CNTN5: variants seen among roughly 807,000 people sequenced by gnomAD.
CNTN5 encodes contactin 5, also known as contactin-5.
A neutral mutation model predicts 129.1 loss-of-function variants in CNTN5; 77 were observed. The ratio of observed to expected loss-of-function variants is 0.60; its 90% confidence interval spans 0.50 to 0.72. The LOEUF (loss-of-function observed/expected upper bound fraction) is 0.72, where lower values mean the gene tolerates loss of function less well. Among genes scored for constraint, CNTN5 ranks in the 30% least tolerant of loss-of-function variants. The pLI is 0.00. For missense variants in CNTN5, 1,478 were observed against 1,328.8 expected, an observed-to-expected ratio of 1.11 and a Z score of -1.75; for synonymous variants, 509 against 465.6, an observed-to-expected ratio of 1.09 and a Z score of -1.20.
At chr11:99,268,656 T>C (rs1863021368) in intron 1 of CNTN5, among the ~76,000 whole-genome samples, 2 of 151,930 alleles carry the variant, frequency 1.3e-5, no homozygotes, top group Non-Finnish European at 2.9e-5. Flanking sequence ...TGAGGAATAA[T>C]TGGATCAACA....
At chr11:99,118,364 G>GAT (rs1453349494) in intron 1 of CNTN5, among the ~76,000 whole-genome samples, 5 of 151,842 alleles carry the variant, frequency 3.3e-5, no homozygotes, top group Admixed American at 1.3e-4. Flanking sequence ...TTAGTATTTG[G>GAT]ATATATATAT....
At chr11:99,026,502 C>A (rs978894200) in intron 1 of CNTN5, among the ~76,000 whole-genome samples, 1 of 151,526 alleles carries the variant, frequency 6.6e-6, no homozygotes, top group Admixed American at 6.6e-5. Context: ...TTCTGTGATG[C>A]TGTTATTCTA....
Position 99,815,794 on chromosome 11 carries a change from T to C in CNTN5, c.56-3750T>C, listed in dbSNP as rs536849432. On this transcript the variant is annotated intron_variant, in intron 3 of 24. Coordinates refer to ENST00000524871, the MANE Select transcript of CNTN5 (RefSeq NM_014361.4). ...GGATGAAACATAACTGAATCCACTT[T>C]CTCTGTTGAAATTCAAGTATTGGCA... Among the ~76,000 whole-genome samples, 7 of 152,300 alleles carry C rather than the reference T, an allele frequency of 4.6e-5. No individual in the cohort carries two copies. In the South Asian group the frequency reaches 1.2e-3, roughly 27 times the overall value.
Position 99,461,943 on chromosome 11 carries a change from G to A in CNTN5, c.-70-94202G>A, listed in dbSNP as rs75958111. On this transcript the variant is annotated intron_variant, in intron 2 of 24. Coordinates refer to ENST00000524871, the MANE Select transcript of CNTN5 (RefSeq NM_014361.4). ...TTTTGTTTTGAGGCATTTTTAAATT[G>A]ATGCCTAAAACTTCAAAGCATGTTC... is the stretch of plus-strand genomic sequence containing the variant. 7.8e-3 allele frequency among the ~76,000 whole-genome samples: 1,193 copies of A among 152,152 alleles called. 16 individuals carry two copies. The highest frequency in any genetic ancestry group is 0.027 in the African/African-American group (1,121 of 41,520).
At chr11:99,464,417 T>C (rs1226953442) in intron 2 of CNTN5, among the ~76,000 whole-genome samples, 2 of 152,162 alleles carry the variant, frequency 1.3e-5, no homozygotes, top group African/African-American at 4.8e-5. Flanking sequence ...TCATTGATGA[T>C]CTAGTTTGAA....
intron 6 of CNTN5, among the ~76,000 whole-genome samples, chr11:99,890,236 T>C (rs1949021662): frequency 6.6e-6 from 1 of 152,120 alleles, no homozygotes; most frequent in Non-Finnish European, 1.5e-5. Context: ...CAGGAGCCAA[T>C]TGAAAGAGCT....
chr11:99,498,264 C>G (rs1286309925), intron 2 of CNTN5, among the ~76,000 whole-genome samples: 1 of 151,992 alleles, frequency 6.6e-6, no homozygotes, highest in Non-Finnish European at 1.5e-5. Flanking sequence ...TTTTTTGTAG[C>G]TCTAAATAGC....
intron 6 of CNTN5, among the ~76,000 whole-genome samples, chr11:99,900,473 A>G (rs1324538034): frequency 6.6e-6 from 1 of 152,122 alleles, no homozygotes; most frequent in African/African-American, 2.4e-5. Context: ...TTAATGCTAT[A>G]AACATTCCTC....
chr11:99,486,222 A>C (rs117737372), intron 2 of CNTN5, among the ~76,000 whole-genome samples: 2 of 152,190 alleles, frequency 1.3e-5, no homozygotes, highest in East Asian at 3.9e-4. Flanking sequence ...GATGTCTTTC[A>C]TAGAGCATAT....
chr11:99,140,688 G>A lies in CNTN5; in HGVS notation c.-210+119418G>A, dbSNP rs150524152. Among the ~76,000 whole-genome samples, 230 of 151,762 alleles carry A rather than the reference G, an allele frequency of 1.5e-3. 2 individuals are homozygous for A. The highest frequency in any genetic ancestry group is 2.8e-3 in the Admixed American group (42 of 15,224). On this transcript the variant is annotated intron_variant, in intron 1 of 24. Transcript: ENST00000524871. ...TTCCTTCAATTCCTAGTTTGTGGAGGGTTTTTAACATGAAGAAATGTTAAA... is the reference window on the plus strand; with the variant it reads ...TTCCTTCAATTCCTAGTTTGTGGAGAGTTTTTAACATGAAGAAATGTTAAA...
intron 2 of CNTN5, among the ~76,000 whole-genome samples, chr11:99,551,914 T>C (rs1230528072): frequency 1.3e-5 from 2 of 151,414 alleles, no homozygotes; most frequent in Non-Finnish European, 3.0e-5. Flanking sequence ...TTTTTTCTTT[T>C]TTTTTTTTTT....
At chr11:99,410,716 C>T (rs1942353909) in intron 2 of CNTN5, among the ~76,000 whole-genome samples, 2 of 152,174 alleles carry the variant, frequency 1.3e-5, no homozygotes, top group Admixed American at 6.5e-5. Context: ...CAAAACATGG[C>T]ATGAATAATG....
intron 8 of CNTN5, among the ~76,000 whole-genome samples, chr11:99,976,422 C>A (rs1483954457): frequency 6.6e-6 from 1 of 152,224 alleles, no homozygotes; most frequent in Non-Finnish European, 1.5e-5. Context: ...TACATTTCCC[C>A]TTTGCATTGC....
At chr11:99,586,711 T>C (rs899946855) in intron 3 of CNTN5, among the ~76,000 whole-genome samples, 1 of 152,206 alleles carries the variant, frequency 6.6e-6, no homozygotes, top group Admixed American at 6.5e-5. Context: ...TAGATGTCTC[T>C]CTATGTAATA....
chr11:100,193,557 G>A lies in CNTN5; in HGVS notation c.1778G>A (p.Cys593Tyr). ...GTGGGAGAAAGCATTGTCCTTAATT[G>A]CAAAGCAATTCACGATGCTAGTTTG... Reference protein sequence around the residue: ...LTVGESIVLNCKAIHDASLDV... With the variant: ...LTVGESIVLNYKAIHDASLDV... The change falls in exon 15 of 25, where the codon TGC becomes TAC. Residue 593 changes from cysteine to tyrosine, a missense_variant. Transcript: ENST00000524871. 6.2e-7 allele frequency: 1 copy of A among 1,611,200 alleles called. No homozygotes were observed. Among genetic ancestry groups the A allele is most frequent in the Non-Finnish European group, 8.5e-7 (1 of 1,178,214 alleles).
In CNTN5 at chr11:99,439,569, G is replaced by T. The variant is rs113022964; in HGVS notation, c.-71+114085G>T. Among the ~76,000 whole-genome samples the T allele has an allele frequency of 7.5e-3, 1,143 of 151,648 alleles. 22 individuals are homozygous for T. The highest frequency in any genetic ancestry group is 0.026 in the African/African-American group (1,064 of 41,346). ...CTGAAAATACAAAAATTAGCCTGGC[G>T]TGGTGGTGTGCACCTGGAATCCCAG... is the stretch of plus-strand genomic sequence containing the variant. On this transcript the variant is annotated intron_variant, in intron 2 of 24. Transcript: ENST00000524871.
intron 1 of CNTN5, among the ~76,000 whole-genome samples, chr11:99,306,934 A>T (rs1013128863): frequency 1.3e-5 from 2 of 152,148 alleles, no homozygotes; most frequent in African/African-American, 4.8e-5. Flanking sequence ...ATTTATTTGT[A>T]TTAAGGCAAA....
intron 6 of CNTN5, among the ~76,000 whole-genome samples, chr11:99,876,736 GCAATCCTGAA>G (rs1254038721): frequency 9.9e-5 from 15 of 152,264 alleles, no homozygotes; most frequent in African/African-American, 3.6e-4. Context: ...AAACCTTGTA[GCAATCCTGAA>G]CAAGGCAGAT....
chr11:99,816,236 A>C (rs2135538768), intron 3 of CNTN5, among the ~76,000 whole-genome samples: 1 of 152,282 alleles, frequency 6.6e-6, no homozygotes, highest in African/African-American at 2.4e-5. Flanking sequence ...TCTTCAAAAA[A>C]AATGCTAATG....
Sources: gnomAD v4.1 joint callset for allele counts (sites outside exome capture counted in the v4.1 genomes callset) on GRCh38, gnomAD v4.1.1 for gene constraint, MANE v1.5 for transcripts, NCBI Gene and HGNC (gene_info 2026-07-23, HGNC 2026-07-21) for gene names.